Variants in ZFHX3 observed in about 807,000 individuals in gnomAD.
ZFHX3 encodes the protein zinc finger homeobox protein 3.
ZFHX3 carries 42 observed loss-of-function variants against 279.1 expected under a neutral mutation model. The ratio of observed to expected loss-of-function variants is 0.15; its 90% CI spans 0.12 to 0.19. The LOEUF (loss-of-function observed/expected upper bound fraction) is 0.19, where lower values mean the gene tolerates loss of function less well. ZFHX3 is among the 10% of genes least tolerant of loss of function. The pLI, the probability that ZFHX3 is intolerant of heterozygous loss-of-function variation, is 1.00. For synonymous variants in ZFHX3, 2,293 were observed against 1,957.8 expected, an observed-to-expected ratio of 1.17 and a Z score of -4.52; for missense variants, 4,981 against 4,754.0, an observed-to-expected ratio of 1.05 and a Z score of -1.40.
At chr16:72,880,189 C>T (rs2038425878) in intron 4 of ZFHX3, among the ~76,000 whole-genome samples, 1 of 152,174 alleles carries the variant, frequency 6.6e-6, no homozygotes, top group African/African-American at 2.4e-5. Context: ...CTCCCACCAC[C>T]TTCTGTCCTA....
chr16:73,484,961 T>C (rs935271429), intron 2 of ZFHX3, among the ~76,000 whole-genome samples: 1 of 150,652 alleles, frequency 6.6e-6, no homozygotes, highest in African/African-American at 2.4e-5. Flanking sequence ...AGACAGAATT[T>C]CCCATAAGGA....
At chr16:73,489,983 A>G (rs2019032456) in intron 2 of ZFHX3, among the ~76,000 whole-genome samples, 1 of 152,204 alleles carries the variant, frequency 6.6e-6, no homozygotes, top group South Asian at 2.1e-4. Context: ...AAATATGAAA[A>G]ACATCAAATC....
intron 1 of ZFHX3, among the ~76,000 whole-genome samples, chr16:72,982,889 C>T (rs563050963): frequency 2.0e-5 from 3 of 152,310 alleles, no homozygotes; most frequent in East Asian, 3.9e-4. Context: ...AAGCTGTCAA[C>T]GTCCAGGAGC....
At chr16:73,167,937 G>A (rs996826643) in intron 5 of ZFHX3, among the ~76,000 whole-genome samples, 1 of 152,336 alleles carries the variant, frequency 6.6e-6, no homozygotes, top group African/African-American at 2.4e-5. Flanking sequence ...GCTTCCCACT[G>A]TCATCTTTGC....
At chr16:73,107,670 A>G (rs1422476448) in intron 7 of ZFHX3, among the ~76,000 whole-genome samples, 1 of 152,164 alleles carries the variant, frequency 6.6e-6, no homozygotes, top group African/African-American at 2.4e-5. Flanking sequence ...TGAGGGCAGC[A>G]CCACGCGTAT....
intron 2 of ZFHX3, among the ~76,000 whole-genome samples, chr16:73,494,722 G>T (rs1187027570): frequency 7.1e-6 from 1 of 140,066 alleles, no homozygotes; most frequent in East Asian, 2.1e-4. Context: ...ACCATGACCG[G>T]CTAATTTTTT....
intron 2 of ZFHX3, among the ~76,000 whole-genome samples, chr16:73,668,972 C>A (rs1009110952): frequency 1.3e-5 from 2 of 151,938 alleles, no homozygotes; most frequent in Non-Finnish European, 2.9e-5. Flanking sequence ...ATTAGTTCAA[C>A]CATTGTGGAA....
chr16:73,213,275 A>G (rs1272061788), intron 5 of ZFHX3, among the ~76,000 whole-genome samples: 1 of 152,222 alleles, frequency 6.6e-6, no homozygotes, highest in Non-Finnish European at 1.5e-5. Context: ...GACTTGAGAA[A>G]GGTTGGGAAA....
chr16:72,808,058 G>A (rs186944724), intron 7 of ZFHX3: 9 of 152,204 alleles, frequency 5.9e-5, no homozygotes, highest in East Asian at 1.9e-4. Context: ...AACATATATC[G>A]TTAGAAAGCC....
At chr16:73,066,257 T>TC (rs1349112741) in intron 8 of ZFHX3, among the ~76,000 whole-genome samples, 38 of 152,188 alleles carry the variant, frequency 2.5e-4, no homozygotes, top group Admixed American at 2.4e-3. Flanking sequence ...TGTCTGCTCT[T>TC]CCGTCCCTCT....
At chr16:73,443,008 TA>T (rs763733048) in intron 3 of ZFHX3, among the ~76,000 whole-genome samples, 1 of 152,196 alleles carries the variant, frequency 6.6e-6, no homozygotes, top group African/African-American at 2.4e-5. Context: ...GATATTGGAT[TA>T]GGGCCCACCC....
chr16:72,946,950 G>C (rs1960710448), intron 3 of ZFHX3, among the ~76,000 whole-genome samples: 1 of 152,236 alleles, frequency 6.6e-6, no homozygotes. Context: ...TGGCTCAGAT[G>C]TGACACTAAG....
intron 5 of ZFHX3, among the ~76,000 whole-genome samples, chr16:73,185,642 T>C (rs1185650109): frequency 6.6e-6 from 1 of 152,158 alleles, no homozygotes; most frequent in South Asian, 2.1e-4. Flanking sequence ...CCAGTTAAAT[T>C]TGAAGAATTG....
In ZFHX3 at chr16:73,120,614, TTTTG is replaced by T. The variant is rs547883717; in HGVS notation, c.-897+10350_-897+10353del. On this transcript the variant is annotated intron_variant, in intron 7 of 17. Coordinates refer to the ZFHX3 transcript ENST00000641206. ...CTTCATGTGCCTTTCTTGATATTGT[TTTTG>T]TTTGTTTGTTTTTCTGCCCTATCCT... is the stretch of plus-strand genomic sequence containing the variant. 4.7e-3 allele frequency among the ~76,000 whole-genome samples: 707 copies of T among 151,218 alleles called. 8 individuals carry two copies. Among genetic ancestry groups the T allele is most frequent in the African/African-American group, 0.016 (671 of 41,112 alleles).
At chr16:73,735,352 A>G (rs1458181009) in intron 1 of ZFHX3, among the ~76,000 whole-genome samples, 1 of 151,494 alleles carries the variant, frequency 6.6e-6, no homozygotes, top group African/African-American at 2.4e-5. Context: ...TCCAACGGAA[A>G]TCCAATAAAG....
At position 73,784,786 on chromosome 16, in the gene ZFHX3, TAA is replaced by T. The variant is rs66537411; in HGVS notation, c.-1607-104548_-1607-104547del. Among the ~76,000 whole-genome samples, 210 of 133,752 alleles carry T rather than the reference TAA, an allele frequency of 1.6e-3. 1 individual carries two copies. The highest frequency in any genetic ancestry group is 5.7e-3 in the Admixed American group (76 of 13,388). The allele number at this position is 133,752 out of a possible 152,430, so 87.7% of individuals were successfully genotyped here. On this transcript the variant is annotated intron_variant, in intron 1 of 17. Transcript: ENST00000641206. ...TTTTAAAAAACTATTTTTAACAAAA[TAA>T]AAAAAAAAATATATATATATATATA... is the stretch of plus-strand genomic sequence containing the variant.
At chr16:73,387,916 G>A (rs1020300606) in intron 3 of ZFHX3, among the ~76,000 whole-genome samples, 3 of 151,802 alleles carry the variant, frequency 2.0e-5, no homozygotes, top group East Asian at 2.0e-4. Context: ...AGAATAGCTC[G>A]CCTAGTTAAA....
At chr16:73,541,091 C>T (rs1427179926) in intron 2 of ZFHX3, among the ~76,000 whole-genome samples, 1 of 152,184 alleles carries the variant, frequency 6.6e-6, no homozygotes, top group Non-Finnish European at 1.5e-5. Flanking sequence ...CCTCATTCTC[C>T]ACCCGTCCAT....
At chr16:73,835,143 C>T (rs1247881133) in intron 1 of ZFHX3, among the ~76,000 whole-genome samples, 1 of 152,178 alleles carries the variant, frequency 6.6e-6, no homozygotes, top group Non-Finnish European at 1.5e-5. Context: ...GCAGCTTCTG[C>T]AGGGTTGGCG....
Sources: allele counts gnomAD v4.1 joint callset (sites outside exome capture counted in the v4.1 genomes callset), GRCh38; gene constraint gnomAD v4.1.1; transcripts MANE v1.5; gene names NCBI Gene and HGNC (gene_info 2026-07-23, HGNC 2026-07-21).